Variants in MAP4K5 observed in about 807,000 individuals in gnomAD.
The protein encoded by MAP4K5 is MAPK/ERK kinase kinase kinase 5.
MAP4K5 carries 82 observed loss-of-function variants against 135.6 expected under a neutral mutation model. The ratio of observed to expected loss-of-function variants is 0.60; its 90% confidence interval spans 0.51 to 0.73. MAP4K5 has a LOEUF of 0.73. Among genes scored for constraint, MAP4K5 ranks in the 30% least tolerant of loss-of-function variants. The probability of loss-of-function intolerance (pLI) is 0.00; values close to 1 mark genes in which losing one functional copy is unlikely to be tolerated. For synonymous variants in MAP4K5, 347 were observed against 335.0 expected (o/e 1.04, Z -0.39); for missense variants, 907 against 1,010.9 (o/e 0.90, Z 1.39).
At chr14:50,457,921 G>A (rs2036626085) in intron 13 of MAP4K5, among the ~76,000 whole-genome samples, 2 of 152,082 alleles carry the variant, frequency 1.3e-5, no homozygotes, top group Non-Finnish European at 2.9e-5. Flanking sequence ...TTAGTACACT[G>A]GGACAGCAAA....
rs185339424 is a variant in MAP4K5 at position 50,447,228 on chromosome 14, A to G, written c.1142+186T>C. On this transcript the variant is annotated intron_variant, in intron 16 of 32. Transcript: ENST00000682126. ...ACATAGCATATTCTGATTAAAAACA[A>G]AAACAAATAAAAAACCTTAATGATC... Among the ~76,000 whole-genome samples the G allele has an allele frequency of 2.6e-4, 40 of 152,338 alleles. 1 individual carries two copies. The highest frequency in any genetic ancestry group is 2.3e-3 in the Admixed American group (35 of 15,308).
At chr14:50,532,989 CGCCGGGGAAGGA>C (rs1180188847), upstream of MAP4K5, 1 of 152,538 alleles carries the variant, frequency 6.6e-6, no homozygotes, top group Non-Finnish European at 1.5e-5. Flanking sequence ...GGCAGCGGGG[CGCCGGGGAAGGA>C]GGTGGGGGAG....
chr14:50,529,311 C>A (rs1472976059), intron 2 of MAP4K5, among the ~76,000 whole-genome samples: 1 of 152,026 alleles, frequency 6.6e-6, no homozygotes, highest in Non-Finnish European at 1.5e-5. Context: ...CACTTCAGCC[C>A]GGGAGGTTGA....
In MAP4K5 at chr14:50,512,612, T is replaced by C. The variant is rs554572227; in HGVS notation, c.109-7755A>G. On this transcript the variant is annotated intron_variant, in intron 2 of 32. Transcript: ENST00000682126. ...AAATGAAGAACCGATGGGCAAATGT[T>C]TGTGCTCTGTAATTTTCCAGCTGGA... Among the ~76,000 whole-genome samples, 7 of 152,268 alleles carry C rather than the reference T, an allele frequency of 4.6e-5. No individual in the cohort carries two copies. The South Asian group carries it at 1.5e-3, about 32-fold the overall frequency.
chr14:50,560,178 G>A, intron 1 of MAP4K5: 1 of 1,533,088 alleles, frequency 6.5e-7, no homozygotes, highest in South Asian at 1.2e-5. Context: ...GCGCGGGCAC[G>A]GAGCCTCCCA....
intron 6 of MAP4K5, among the ~76,000 whole-genome samples, chr14:50,478,281 TTCTC>T (rs79405808): frequency 6.6e-6 from 1 of 151,788 alleles, no homozygotes; most frequent in African/African-American, 2.4e-5. Flanking sequence ...CACTTGTTTC[TTCTC>T]TTTTTACTTT....
chr14:50,508,480 A>G (rs1035605318), intron 2 of MAP4K5, among the ~76,000 whole-genome samples: 1 of 151,464 alleles, frequency 6.6e-6, no homozygotes, highest in Non-Finnish European at 1.5e-5. Flanking sequence ...AAAACCAAAC[A>G]CCACATGTTC....
upstream of MAP4K5, among the ~76,000 whole-genome samples, chr14:50,534,909 T>C (rs1432356096): frequency 6.6e-6 from 1 of 152,242 alleles, no homozygotes; most frequent in Non-Finnish European, 1.5e-5. Context: ...TAATTTTACA[T>C]CCTAGACAAT....
At chr14:50,483,722 T>C (rs972707336) in intron 5 of MAP4K5, among the ~76,000 whole-genome samples, 11 of 145,362 alleles carry the variant, frequency 7.6e-5, no homozygotes, top group Middle Eastern at 6.9e-3. Flanking sequence ...AACTTAAAAG[T>C]TGCAAAAAAA....
chr14:50,510,886 T>C (rs1595530972), intron 2 of MAP4K5, among the ~76,000 whole-genome samples: 1 of 152,324 alleles, frequency 6.6e-6, no homozygotes, highest in East Asian at 1.9e-4. Context: ...CCTTGATACT[T>C]TGGCAGTTTC....
intron 13 of MAP4K5, among the ~76,000 whole-genome samples, chr14:50,457,391 G>A (rs2036615148): frequency 6.6e-6 from 1 of 152,146 alleles, no homozygotes; most frequent in Admixed American, 6.5e-5. Flanking sequence ...ATTGTAGTAA[G>A]CCAAGTGAGA....
intron 3 of MAP4K5, among the ~76,000 whole-genome samples, chr14:50,502,830 G>C (rs1375138998): frequency 1.3e-5 from 2 of 152,042 alleles, no homozygotes; most frequent in African/African-American, 4.8e-5. Flanking sequence ...ATAAGAGACT[G>C]AATCTATAGT....
intron 1 of MAP4K5, among the ~76,000 whole-genome samples, chr14:50,555,636 G>C (rs1214213123): frequency 6.6e-6 from 1 of 152,128 alleles, no homozygotes; most frequent in Non-Finnish European, 1.5e-5. Flanking sequence ...CTTATGCTCA[G>C]ATTATTTCAT....
At chr14:50,471,734 C>A (rs182186029) in intron 9 of MAP4K5, 2 of 152,224 alleles carry the variant, frequency 1.3e-5, no homozygotes, top group East Asian at 1.9e-4. Context: ...GGTGAAAAAT[C>A]TTTTACATGT....
chr14:50,493,109 T>C (rs2037520254), intron 3 of MAP4K5, among the ~76,000 whole-genome samples: 1 of 151,990 alleles, frequency 6.6e-6, no homozygotes, highest in Admixed American at 6.6e-5. Flanking sequence ...GTTAGCTTTC[T>C]GTTTGTTCAA....
chr14:50,525,177 A>G (rs577742393), intron 2 of MAP4K5, among the ~76,000 whole-genome samples: 1 of 152,236 alleles, frequency 6.6e-6, no homozygotes, highest in East Asian at 1.9e-4. Context: ...CCAGAGGTGC[A>G]TTTCCTACCA....
At chr14:50,522,331 T>C (rs1439193221) in intron 2 of MAP4K5, among the ~76,000 whole-genome samples, 1 of 152,170 alleles carries the variant, frequency 6.6e-6, no homozygotes, top group Non-Finnish European at 1.5e-5. Context: ...AAGTTGAAAG[T>C]ACTTTTTACT....
At chr14:50,505,307 A>G (rs2037787812) in intron 2 of MAP4K5, among the ~76,000 whole-genome samples, 1 of 152,164 alleles carries the variant, frequency 6.6e-6, no homozygotes, top group South Asian at 2.1e-4. Context: ...ATGCATGTGC[A>G]TTATGGAAGA....
chr14:50,510,249 A>C (rs2037903339), intron 2 of MAP4K5, among the ~76,000 whole-genome samples: 1 of 152,218 alleles, frequency 6.6e-6, no homozygotes, highest in South Asian at 2.1e-4. Flanking sequence ...GGAACAATTA[A>C]TTCTGATTTT....
Sources: allele counts gnomAD v4.1 joint callset (sites outside exome capture counted in the v4.1 genomes callset), GRCh38; gene constraint gnomAD v4.1.1; transcripts MANE v1.5; gene names NCBI Gene and HGNC (gene_info 2026-07-23, HGNC 2026-07-21).